The following CDC73 variants were observed in gnomAD, a reference collection of about 807,000 sequenced individuals.
CDC73 encodes the protein cell division cycle 73.
CDC73 carries 21 observed loss-of-function variants against 83.7 expected under a neutral mutation model. That is an observed-to-expected ratio of 0.25 (90% confidence interval 0.18 to 0.36). The LOEUF (loss-of-function observed/expected upper bound fraction) is 0.36. Among genes scored for constraint, CDC73 ranks in the 10% least tolerant of loss-of-function variants. CDC73 has a pLI of 1.00. For synonymous variants in CDC73, 224 were observed against 212.9 expected, an observed-to-expected ratio of 1.05 and a Z score of -0.45; for missense variants, 342 against 653.3, an observed-to-expected ratio of 0.52 and a Z score of 5.19.
intron 10 of CDC73, among the ~76,000 whole-genome samples, chr1:193,184,165 A>T (rs1429186816): frequency 1.3e-5 from 2 of 151,844 alleles, no homozygotes; most frequent in African/African-American, 4.8e-5. Flanking sequence ...TTAGATGTTA[A>T]GCTGTTGAGA....
chr1:193,181,700 A>G, intron 10 of CDC73: 5 of 823,790 alleles, frequency 6.1e-6, no homozygotes, highest in East Asian at 2.8e-5. Flanking sequence ...AATGAAGCAC[A>G]AAAGTTTACA....
intron 3 of CDC73, among the ~76,000 whole-genome samples, chr1:193,133,326 C>A (rs967253964): frequency 2.6e-5 from 4 of 152,102 alleles, no homozygotes; most frequent in African/African-American, 9.7e-5. Flanking sequence ...GACATAATAG[C>A]TAAAGATGTT....
intron 11 of CDC73, among the ~76,000 whole-genome samples, chr1:193,211,262 C>G (rs1033996012): frequency 6.6e-6 from 1 of 152,162 alleles, no homozygotes; most frequent in Non-Finnish European, 1.5e-5. Context: ...AATGCCTTTT[C>G]CATCTTAACA....
chr1:193,173,688 A>G (rs551744924), intron 10 of CDC73, among the ~76,000 whole-genome samples: 25 of 152,316 alleles, frequency 1.6e-4, no homozygotes, highest in South Asian at 1.2e-3. Context: ...CATTTGGCAG[A>G]CTGGAAATCC....
intron 8 of CDC73, among the ~76,000 whole-genome samples, chr1:193,148,505 A>C (rs1324112087): frequency 1.3e-5 from 2 of 152,142 alleles, no homozygotes; most frequent in Non-Finnish European, 2.9e-5. Flanking sequence ...ATTTAAATTC[A>C]AACATCCTCT....
At chr1:193,212,619 A>G (rs1438306075) in intron 13 of CDC73, 142 bp downstream of exon 13, 3 of 472,984 alleles carry the variant, frequency 6.3e-6, no homozygotes, top group Non-Finnish European at 1.2e-5. Context: ...TATGAAGCAT[A>G]CATTTTCAAA....
chr1:193,165,687 A>G (rs1490200937), intron 10 of CDC73, among the ~76,000 whole-genome samples: 4 of 152,236 alleles, frequency 2.6e-5, no homozygotes, highest in African/African-American at 4.8e-5. Flanking sequence ...ATAGAAGAAA[A>G]TAATTAGTCT....
chr1:193,238,057 G>A (rs146636320), intron 15 of CDC73, among the ~76,000 whole-genome samples: 1,862 of 152,226 alleles, frequency 0.012, 19 homozygotes, highest in South Asian at 0.034. Context: ...ATGTCTTTAA[G>A]ATATAAATGT....
intron 2 of CDC73, among the ~76,000 whole-genome samples, chr1:193,126,295 A>G (rs147196219): frequency 0.012 from 1,857 of 152,272 alleles, 19 homozygotes; most frequent in South Asian, 0.034. Flanking sequence ...TACTCTGGAG[A>G]AGTTCATTTG....
chr1:193,242,486 T>C (rs1440189514), intron 15 of CDC73, among the ~76,000 whole-genome samples: 1 of 152,196 alleles, frequency 6.6e-6, no homozygotes, highest in East Asian at 1.9e-4. Flanking sequence ...TGAATTCCAG[T>C]GCACTCTCTT....
chr1:193,174,153 G>T (rs763932034), intron 10 of CDC73, among the ~76,000 whole-genome samples: 1 of 151,678 alleles, frequency 6.6e-6, no homozygotes, highest in African/African-American at 2.4e-5. Context: ...AAGTCTTCTC[G>T]GTGGCTTTTT....
At chr1:193,153,015 G>A (rs955003146) in intron 10 of CDC73, among the ~76,000 whole-genome samples, 1 of 152,006 alleles carries the variant, frequency 6.6e-6, no homozygotes, top group African/African-American at 2.4e-5. Context: ...GTGATCGCCC[G>A]CCTCAGCCTC....
chr1:193,214,944 A>G (rs918694960), intron 13 of CDC73, among the ~76,000 whole-genome samples: 5 of 152,214 alleles, frequency 3.3e-5, no homozygotes, highest in African/African-American at 1.2e-4. Flanking sequence ...AGCAATAACT[A>G]AAAAGTAAAT....
At chr1:193,124,150 A>G (rs1362774738) in intron 1 of CDC73, among the ~76,000 whole-genome samples, 1 of 152,290 alleles carries the variant, frequency 6.6e-6, no homozygotes, top group Non-Finnish European at 1.5e-5. Context: ...TTATCACAGT[A>G]GATTTTAAAC....
chr1:193,177,229 G>C (rs538738747), intron 10 of CDC73, among the ~76,000 whole-genome samples: 5 of 151,502 alleles, frequency 3.3e-5, no homozygotes, highest in Admixed American at 1.3e-4. Flanking sequence ...TAATGATTAA[G>C]AACATGATCC....
At chr1:193,188,436 A>G (rs913369428) in intron 10 of CDC73, among the ~76,000 whole-genome samples, 1 of 151,744 alleles carries the variant, frequency 6.6e-6, no homozygotes, top group Non-Finnish European at 1.5e-5. Flanking sequence ...TGCTAGAGAA[A>G]TTGTGGGATT....
intron 13 of CDC73, among the ~76,000 whole-genome samples, chr1:193,218,462 A>G (rs996397925): frequency 2.0e-5 from 3 of 152,346 alleles, no homozygotes; most frequent in Non-Finnish European, 2.9e-5. Context: ...TAGCCAAAGC[A>G]TCCTAAGCAA....
chr1:193,155,047 C>T (rs186530049), intron 10 of CDC73, among the ~76,000 whole-genome samples: 1 of 152,130 alleles, frequency 6.6e-6, no homozygotes, highest in Admixed American at 6.5e-5. Flanking sequence ...TAGGATCAGT[C>T]TATGTATCTT....
At chr1:193,204,003 A>G (rs1677136163) in intron 11 of CDC73, 151 bp downstream of exon 11, 1 of 693,670 alleles carries the variant, frequency 1.4e-6, no homozygotes, top group East Asian at 2.7e-5. Context: ...ATACTGTTTA[A>G]GCAGATCTCA....
Sources: allele counts gnomAD v4.1 joint callset (sites outside exome capture counted in the v4.1 genomes callset), GRCh38; gene constraint gnomAD v4.1.1; transcripts MANE v1.5; gene names NCBI Gene and HGNC (gene_info 2026-07-23, HGNC 2026-07-21).